Variants in OTUD7A observed in about 807,000 individuals in gnomAD.
OTUD7A encodes the protein OTU domain-containing protein 7A.
A neutral mutation model predicts 65.7 loss-of-function variants in OTUD7A; 12 were observed. The ratio of observed to expected loss-of-function variants is 0.18; its 90% CI spans 0.12 to 0.30. OTUD7A has a LOEUF of 0.30. Ranked by LOEUF, OTUD7A falls within the 10% of genes least tolerant of loss-of-function variation. The pLI is 1.00. For synonymous variants in OTUD7A, 641 were observed against 586.3 expected (o/e 1.09, Z -1.35); for missense variants, 1,148 against 1,304.8 (o/e 0.88, Z 1.85).
intron 1 of OTUD7A, among the ~76,000 whole-genome samples, chr15:31,714,481 T>C (rs948637848): frequency 3.9e-5 from 6 of 152,166 alleles, no homozygotes; most frequent in African/African-American, 1.4e-4. Context: ...GTTCTAGTTT[T>C]TGAGCTGGGC....
At position 31,569,824 on chromosome 15, in the gene OTUD7A, AG is replaced by A. The variant is rs569467099; in HGVS notation, c.331+193del. Among the ~76,000 whole-genome samples the A allele has an allele frequency of 9.1e-4, 139 of 152,182 alleles. 1 individual carries two copies. Among genetic ancestry groups the A allele is most frequent in the Admixed American group, 8.1e-3 (124 of 15,292 alleles). Reference sequence around the variant, plus strand: ...TCAGACTCATTTTTCTGCTTTTCTGAGGTAGAGGTTGGAACCATGGATAGAA... The same window carrying A: ...TCAGACTCATTTTTCTGCTTTTCTGAGTAGAGGTTGGAACCATGGATAGAA... On this transcript the variant is annotated intron_variant, in intron 4 of 12. Coordinates refer to ENST00000307050, the MANE Select transcript of OTUD7A (RefSeq NM_001382637.1).
chr15:31,656,751 C>T (rs1459601553), intron 2 of OTUD7A, among the ~76,000 whole-genome samples: 1 of 151,860 alleles, frequency 6.6e-6, no homozygotes, highest in Non-Finnish European at 1.5e-5. Context: ...TTGACCCTGG[C>T]CCTGCCCCTG....
chr15:31,710,105 G>A (rs1413854014), intron 1 of OTUD7A, among the ~76,000 whole-genome samples: 2 of 152,020 alleles, frequency 1.3e-5, no homozygotes, highest in African/African-American at 4.8e-5. Flanking sequence ...CACTGATTTT[G>A]TAATAGAAAT....
At chr15:31,583,037 T>C (rs182640604) in intron 3 of OTUD7A, among the ~76,000 whole-genome samples, 9 of 150,000 alleles carry the variant, frequency 6.0e-5, no homozygotes, top group Admixed American at 5.2e-4. Flanking sequence ...AGAAAAGCAG[T>C]ATGCTGGAAA....
intron 1 of OTUD7A, among the ~76,000 whole-genome samples, chr15:31,859,861 C>T (rs8040588): frequency 0.6 from 90,463 of 151,934 alleles, 27,187 homozygotes; most frequent in East Asian, 0.69. Context: ...CCAGGACAGC[C>T]GCAACTCTGA....
chr15:31,625,651 T>A (rs1195771096), intron 3 of OTUD7A, among the ~76,000 whole-genome samples: 1 of 152,170 alleles, frequency 6.6e-6, no homozygotes, highest in African/African-American at 2.4e-5. Flanking sequence ...GAGAGTTCAC[T>A]CATAGGTGTT....
chr15:31,495,853 C>T (rs1288878866), intron 10 of OTUD7A, among the ~76,000 whole-genome samples: 1 of 151,980 alleles, frequency 6.6e-6, no homozygotes, highest in Non-Finnish European at 1.5e-5. Flanking sequence ...ATCACTTGAG[C>T]TCAGGAGTTT....
At position 31,527,408 on chromosome 15, in the gene OTUD7A, T is replaced by C. The variant is rs2042029989; in HGVS notation, c.653-100A>G. ...ACCACGACCCACTGGGAGAGCCTCCTGTCTGCACGCAGAACAGCCTCCTTA... is the reference window on the plus strand; with the variant it reads ...ACCACGACCCACTGGGAGAGCCTCCCGTCTGCACGCAGAACAGCCTCCTTA... On this transcript the variant is annotated intron_variant, in intron 6 of 12. Transcript: ENST00000307050. 1.2e-5 allele frequency: 18 copies of C among 1,452,672 alleles called. No individual in the cohort carries two copies. The South Asian group carries it at 2.2e-4, about 18-fold the overall frequency. The allele number at this position is 1,452,672 out of a possible 1,614,324, so 90.0% of individuals were successfully genotyped here. A position where few individuals can be genotyped will look rare whatever the true frequency, so the allele number is the denominator to read the frequency against.
At chr15:31,525,739 GC>G (rs1187931473) in intron 8 of OTUD7A, among the ~76,000 whole-genome samples, 1 of 152,234 alleles carries the variant, frequency 6.6e-6, no homozygotes, top group Non-Finnish European at 1.5e-5. Context: ...CACTGGTCTG[GC>G]CACGGTCTTC....
chr15:31,582,993 G>T (rs868124365), intron 3 of OTUD7A, among the ~76,000 whole-genome samples: 2 of 152,338 alleles, frequency 1.3e-5, no homozygotes, highest in Admixed American at 6.5e-5. Flanking sequence ...ATGTACATAT[G>T]ATTTGAGGGA....
At chr15:31,516,057 C>T (rs1013874252) in intron 8 of OTUD7A, among the ~76,000 whole-genome samples, 1 of 152,230 alleles carries the variant, frequency 6.6e-6, no homozygotes, top group Non-Finnish European at 1.5e-5. Flanking sequence ...CATTCATCTA[C>T]CCGTCCTTCA....
intron 3 of OTUD7A, among the ~76,000 whole-genome samples, chr15:31,587,857 CTCACTGTT>C (rs2141193205): frequency 6.6e-6 from 1 of 152,004 alleles, no homozygotes; most frequent in Non-Finnish European, 1.5e-5. Context: ...GGCCCTAACG[CTCACTGTT>C]CCTTCTGCTT....
Position 31,860,677 on chromosome 15 carries a change from G to GTGTGTGTATATATATATATA in OTUD7A, c.-100+9829_-100+9830insTATATATATATATACACACA, listed in dbSNP as rs560896384. Among the ~76,000 whole-genome samples, 30 of 73,282 alleles carry GTGTGTGTATATATATATATA rather than the reference G, an allele frequency of 4.1e-4. 1 individual carries two copies. Among genetic ancestry groups the GTGTGTGTATATATATATATA allele is most frequent in the African/African-American group, 2.3e-4 (5 of 21,636 alleles). The allele number at this position is 73,282 out of a possible 152,430, so 48.1% of individuals were successfully genotyped here. On this transcript the variant is annotated intron_variant, in intron 1 of 12. Coordinates refer to ENST00000307050, the MANE Select transcript of OTUD7A (RefSeq NM_001382637.1). The stretch of plus-strand genomic sequence containing the variant: ...TGTGTGTATATATAGATGTATGTGT[G>GTGTGTGTATATATATATATA]TATATATATATATATATATATATGT...
At chr15:31,771,867 C>T (rs1341142512) in intron 1 of OTUD7A, among the ~76,000 whole-genome samples, 1 of 152,134 alleles carries the variant, frequency 6.6e-6, no homozygotes, top group East Asian at 1.9e-4. Context: ...AGTGCTCATC[C>T]ATGTTGTCTT....
At chr15:31,542,705 TA>T (rs1270683028) in intron 5 of OTUD7A, among the ~76,000 whole-genome samples, 1 of 150,550 alleles carries the variant, frequency 6.6e-6, no homozygotes, top group African/African-American at 2.4e-5. Flanking sequence ...AACTGCACAA[TA>T]TAAAAGACAG....
chr15:31,749,909 A>G (rs1191773774), intron 1 of OTUD7A, among the ~76,000 whole-genome samples: 2 of 152,180 alleles, frequency 1.3e-5, no homozygotes, highest in African/African-American at 4.8e-5. Flanking sequence ...TAGCATTTCT[A>G]TACACCAATA....
At chr15:31,846,990 C>T (rs1897307258) in intron 1 of OTUD7A, among the ~76,000 whole-genome samples, 1 of 152,134 alleles carries the variant, frequency 6.6e-6, no homozygotes, top group Non-Finnish European at 1.5e-5. Flanking sequence ...CCAAGGGTCG[C>T]CTTGTTGTTC....
intron 4 of OTUD7A, among the ~76,000 whole-genome samples, chr15:31,568,078 G>A (rs1003741147): frequency 6.6e-6 from 1 of 152,252 alleles, no homozygotes; most frequent in African/African-American, 2.4e-5. Flanking sequence ...GTCCTCATGG[G>A]GGCACTGCCT....
chr15:31,849,902 C>T (rs6493992), intron 1 of OTUD7A, among the ~76,000 whole-genome samples: 89,555 of 151,936 alleles, frequency 0.59, 26,751 homozygotes, highest in East Asian at 0.69. Context: ...CAGGAAACAA[C>T]AGGTCCTGGA....
Sources: allele counts gnomAD v4.1 joint callset (sites outside exome capture counted in the v4.1 genomes callset), GRCh38; gene constraint gnomAD v4.1.1; transcripts MANE v1.5; gene names NCBI Gene and HGNC (gene_info 2026-07-23, HGNC 2026-07-21).